Variants in PTPRO observed in about 807,000 individuals in gnomAD.
PTPRO encodes the protein receptor-type tyrosine-protein phosphatase O.
A neutral mutation model predicts 145.2 loss-of-function variants in PTPRO; 62 were observed. The observed-to-expected ratio is 0.43, with a 90% CI of 0.35 to 0.53. The LOEUF is 0.53. Among genes scored for constraint, PTPRO ranks in the 20% least tolerant of loss-of-function variants. The pLI is 0.01. For missense variants in PTPRO, 1,345 were observed against 1,482.7 expected (o/e 0.91, Z 1.53); for synonymous variants, 565 against 514.7 (o/e 1.10, Z -1.32).
chr12:15,500,545 A>T (rs1942199319), intron 4 of PTPRO, among the ~76,000 whole-genome samples: 1 of 152,216 alleles, frequency 6.6e-6, no homozygotes, highest in African/African-American at 2.4e-5. Context: ...AATGGCACTA[A>T]CACAAGGCAG....
intron 9 of PTPRO, among the ~76,000 whole-genome samples, chr12:15,519,851 G>A (rs2302687): frequency 0.41 from 62,699 of 152,052 alleles, 13,282 homozygotes; most frequent in African/African-American, 0.47. Context: ...AAAACACTGA[G>A]TTGTGAGAGG....
intron 1 of PTPRO, among the ~76,000 whole-genome samples, chr12:15,447,200 C>A (rs181536221): frequency 1.3e-5 from 2 of 152,062 alleles, no homozygotes; most frequent in Admixed American, 6.6e-5. Context: ...TAACAACAAA[C>A]GGCTATGATT....
At chr12:15,388,315 A>G (rs1459320192) in intron 1 of PTPRO, among the ~76,000 whole-genome samples, 1 of 152,194 alleles carries the variant, frequency 6.6e-6, no homozygotes, top group African/African-American at 2.4e-5. Context: ...TAAATTTTAT[A>G]TACTTCTTTT....
intron 17 of PTPRO, among the ~76,000 whole-genome samples, chr12:15,562,291 T>C (rs1165284947): frequency 6.6e-6 from 1 of 152,164 alleles, no homozygotes; most frequent in East Asian, 1.9e-4. Flanking sequence ...ATCTAATAAC[T>C]TGTGGTTATT....
intron 1 of PTPRO, among the ~76,000 whole-genome samples, chr12:15,330,019 G>A (rs1866560868): frequency 6.6e-6 from 1 of 152,198 alleles, no homozygotes; most frequent in Admixed American, 6.5e-5. Flanking sequence ...TGAAGCCACA[G>A]GAGCCAGATC....
chr12:15,543,847 C>T (rs1943224864), intron 12 of PTPRO, among the ~76,000 whole-genome samples: 1 of 152,146 alleles, frequency 6.6e-6, no homozygotes, highest in Non-Finnish European at 1.5e-5. Flanking sequence ...GAATAAAGAG[C>T]ATACTGATTG....
intron 2 of PTPRO, among the ~76,000 whole-genome samples, chr12:15,496,800 C>A (rs117026037): frequency 2.0e-5 from 3 of 151,984 alleles, no homozygotes; most frequent in Non-Finnish European, 2.9e-5. Context: ...TGGTCTGAGC[C>A]AAAATTTATT....
chr12:15,491,542 C>T (rs1399448513), intron 2 of PTPRO, among the ~76,000 whole-genome samples: 3 of 152,082 alleles, frequency 2.0e-5, no homozygotes, highest in Non-Finnish European at 4.4e-5. Flanking sequence ...TCAATTTGAA[C>T]ATGAGTTTTC....
chr12:15,466,695 G>C (rs764689708), intron 1 of PTPRO, among the ~76,000 whole-genome samples: 16 of 152,054 alleles, frequency 1.1e-4, no homozygotes, highest in Non-Finnish European at 1.9e-4. Flanking sequence ...CCATTTTATA[G>C]ATGAAGAACC....
At chr12:15,564,250 C>T (rs1015311924) in intron 17 of PTPRO, among the ~76,000 whole-genome samples, 3 of 152,188 alleles carry the variant, frequency 2.0e-5, no homozygotes, top group African/African-American at 4.8e-5. Context: ...CACTTGCCTT[C>T]GTGGACGTGT....
Position 15,586,917 on chromosome 12 carries a change from G to C in PTPRO, c.3276G>C (p.Val1092=). ...TAAAGGCTGACGAGATGCAGGATGT[G>C]ATGCATTTTAACTACACTGCATGGC... The part of the protein sequence containing the change: ...RINYADEMQD[V]MHFNYTAWPD... Residue 1092 remains valine (V), a synonymous_variant, in exon 24 of 27, where the codon GTG becomes GTC. Transcript: ENST00000281171. The C allele has an allele frequency of 2.5e-6, 4 of 1,614,034 alleles. No individual in the cohort carries two copies. The highest frequency in any genetic ancestry group is 8.5e-7 in the Non-Finnish European group (1 of 1,179,978).
At chr12:15,396,672 T>C (rs1470020338) in intron 1 of PTPRO, among the ~76,000 whole-genome samples, 1 of 152,158 alleles carries the variant, frequency 6.6e-6, no homozygotes. Flanking sequence ...CTCTATTAAG[T>C]TTTTCATCTA....
intron 1 of PTPRO, among the ~76,000 whole-genome samples, chr12:15,445,282 A>G (rs1482565605): frequency 6.6e-6 from 1 of 152,078 alleles, no homozygotes; most frequent in Non-Finnish European, 1.5e-5. Flanking sequence ...TATTTCTTTT[A>G]TCTAAATATT....
At chr12:15,372,797 A>G (rs1938568505) in intron 1 of PTPRO, among the ~76,000 whole-genome samples, 2 of 152,190 alleles carry the variant, frequency 1.3e-5, no homozygotes, top group Non-Finnish European at 2.9e-5. Context: ...ATGAAATGTG[A>G]TAATCATACT....
Position 15,397,764 on chromosome 12 carries a change from A to C in PTPRO, c.75+74963A>C, listed in dbSNP as rs555665488. Reference sequence around the variant, plus strand: ...GTGGATCTTACATTCTATCAGTTCTATGTGTTTAGGTGTAGGGAGATATAG... The same window carrying C: ...GTGGATCTTACATTCTATCAGTTCTCTGTGTTTAGGTGTAGGGAGATATAG... On this transcript the variant is annotated intron_variant, in intron 1 of 26. Coordinates refer to ENST00000281171, the MANE Select transcript of PTPRO (RefSeq NM_030667.3). 2.6e-5 allele frequency among the ~76,000 whole-genome samples: 4 copies of C among 152,308 alleles called. No individual in the cohort carries two copies. The South Asian group carries it at 8.3e-4, about 32-fold the overall frequency.
chr12:15,538,305 A>G (rs1006482413), intron 12 of PTPRO, among the ~76,000 whole-genome samples: 1 of 151,536 alleles, frequency 6.6e-6, no homozygotes, highest in Admixed American at 6.6e-5. Context: ...GCTCACTGCA[A>G]CCTCTGCCTC....
At chr12:15,434,132 T>G (rs1940529462) in intron 1 of PTPRO, among the ~76,000 whole-genome samples, 1 of 152,208 alleles carries the variant, frequency 6.6e-6, no homozygotes, top group Non-Finnish European at 1.5e-5. Flanking sequence ...AAATGCCCTT[T>G]GCAGAGTTAT....
At chr12:15,429,173 G>A (rs1289427615) in intron 1 of PTPRO, among the ~76,000 whole-genome samples, 1 of 152,190 alleles carries the variant, frequency 6.6e-6, no homozygotes, top group Non-Finnish European at 1.5e-5. Flanking sequence ...AAAGACATCC[G>A]TGAGTGCTTA....
chr12:15,568,428 T>TCAAAACAAAA (rs10524989), intron 18 of PTPRO, among the ~76,000 whole-genome samples: 3,166 of 149,466 alleles, frequency 0.021, 44 homozygotes, highest in Middle Eastern at 0.034. Context: ...AGACTCTGTC[T>TCAAAACAAAA]CAAAACAAAA....
Sources: gnomAD v4.1 joint callset for allele counts (sites outside exome capture counted in the v4.1 genomes callset) on GRCh38, gnomAD v4.1.1 for gene constraint, MANE v1.5 for transcripts, NCBI Gene and HGNC (gene_info 2026-07-23, HGNC 2026-07-21) for gene names.